SCRN1: variants seen among roughly 807,000 people sequenced by gnomAD.
SCRN1 encodes the protein secernin-1.
In SCRN1, 19 loss-of-function variants were observed where a neutral mutation model predicts 43.3. The ratio of observed to expected loss-of-function variants is 0.44; its 90% CI spans 0.31 to 0.64. SCRN1 has a LOEUF of 0.64. SCRN1 is among the 30% of genes least tolerant of loss of function. SCRN1 has a pLI of 0.09. For synonymous variants in SCRN1, 183 were observed against 188.9 expected, an observed-to-expected ratio of 0.97 and a Z score of 0.26; for missense variants, 447 against 524.1, an observed-to-expected ratio of 0.85 and a Z score of 1.44.
intron 1 of SCRN1, among the ~76,000 whole-genome samples, chr7:29,974,681 C>CTTTTTTTTT (rs754103658): frequency 1.4e-4 from 20 of 142,222 alleles, no homozygotes; most frequent in African/African-American, 1.8e-4. Context: ...TTCTTTCTTT[C>CTTTTTTTTT]TTTCTTTTTT....
intron 5 of SCRN1, among the ~76,000 whole-genome samples, chr7:29,938,743 AG>A (rs1388709535): frequency 6.6e-6 from 1 of 152,214 alleles, no homozygotes; most frequent in African/African-American, 2.4e-5. Context: ...TATAACCTAT[AG>A]AAACAATGCT....
chr7:29,966,508 G>A (rs1282486557), intron 2 of SCRN1, among the ~76,000 whole-genome samples: 1 of 151,900 alleles, frequency 6.6e-6, no homozygotes, highest in African/African-American at 2.4e-5. Context: ...AGGAAGGTCA[G>A]TAACAACTCA....
rs923181853 is a variant in SCRN1, at chr7:29,933,902, T to C, written c.905+2654A>G. On this transcript the variant is annotated intron_variant, in intron 6 of 7. Coordinates refer to ENST00000242059, the MANE Select transcript of SCRN1 (RefSeq NM_014766.5). Reference sequence around the variant, plus strand: ...GGATAAAGACTAAAGTGCTGTTCTTTTCCAAGTCTGCTACTATGAAACAAT... The same window carrying C: ...GGATAAAGACTAAAGTGCTGTTCTTCTCCAAGTCTGCTACTATGAAACAAT... 6.6e-5 allele frequency among the ~76,000 whole-genome samples: 10 copies of C among 152,256 alleles called. 1 individual carries two copies. The highest frequency in any genetic ancestry group is 2.4e-4 in the African/African-American group (10 of 41,468).
intron 3 of SCRN1, among the ~76,000 whole-genome samples, chr7:29,952,264 G>A (rs1787962642): frequency 6.6e-6 from 1 of 152,240 alleles, no homozygotes; most frequent in African/African-American, 2.4e-5. Flanking sequence ...GTTCCCAGGT[G>A]ATGCTTGTTC....
At chr7:29,971,503 T>G (rs1049341515) in intron 1 of SCRN1, among the ~76,000 whole-genome samples, 1 of 151,868 alleles carries the variant, frequency 6.6e-6, no homozygotes, top group African/African-American at 2.4e-5. Flanking sequence ...TGTGGTGACA[T>G]GCACCTGTAG....
intron 3 of SCRN1, among the ~76,000 whole-genome samples, chr7:29,954,302 T>G (rs1788055261): frequency 6.6e-6 from 1 of 152,198 alleles, no homozygotes; most frequent in East Asian, 1.9e-4. Flanking sequence ...GTTCTATTTT[T>G]CTTTTCTAGT....
chr7:29,981,940 A>T (rs2127932075), intron 1 of SCRN1, among the ~76,000 whole-genome samples: 2 of 152,304 alleles, frequency 1.3e-5, no homozygotes, highest in Middle Eastern at 6.8e-3. Context: ...GAGGGTAGAA[A>T]GGAGGCAAAG....
Position 29,921,888 on chromosome 7 carries a change from T to A in SCRN1, c.*2069A>T, listed in dbSNP as rs770751214. 4 of 152,234 alleles carry A rather than the reference T, an allele frequency of 2.6e-5. No homozygotes were observed. The highest frequency in any genetic ancestry group is 5.9e-5 in the Non-Finnish European group (4 of 68,042). The allele number at this position is 152,234 out of a possible 1,614,324, so 9.4% of individuals were successfully genotyped here. A position where few individuals can be genotyped will look rare whatever the true frequency, so the allele number is the denominator to read the frequency against. On this transcript the variant is annotated 3_prime_UTR_variant, in exon 8 of 8. Coordinates refer to ENST00000242059, the MANE Select transcript of SCRN1 (RefSeq NM_014766.5). ...TGAATCACCTTGGTTATCTCAGACA[T>A]GTCAGGTCTGATGAGACATTTCATA... is the stretch of plus-strand genomic sequence containing the variant.
chr7:29,955,267 C>A lies in SCRN1; in HGVS notation c.253G>T (p.Glu85Ter). The change falls in exon 3 of 8, where the codon GAA (glutamate) becomes TAA (stop). Residue 85 changes from glutamate (E) to a stop codon, truncating the protein, a stop_gained. Coordinates refer to ENST00000242059, the MANE Select transcript of SCRN1 (RefSeq NM_014766.5). LOFTEE classifies it high-confidence loss of function. ...TCATTGGCTATGCACACTCCATGTT[C>A]ATTGGCTCCCATTTCTGCTCCCCAG... ...WLWGAEMGAN[E>*]HGVCIANEAI... 1.9e-6 allele frequency: 3 copies of A among 1,614,142 alleles called. No individual in the cohort carries two copies. Among genetic ancestry groups the A allele is most frequent in the Non-Finnish European group, 2.5e-6 (3 of 1,180,034 alleles).
chr7:29,966,203 G>GAGA (rs1554360397), intron 2 of SCRN1, among the ~76,000 whole-genome samples: 1 of 147,644 alleles, frequency 6.8e-6, no homozygotes, highest in Non-Finnish European at 1.5e-5. Flanking sequence ...GAGAGAGAGA[G>GAGA]AAGCTGTATC....
chr7:29,936,522 A>G (rs759800675), intron 6 of SCRN1, 34 bp downstream of exon 6: 2 of 1,509,466 alleles, frequency 1.3e-6, no homozygotes, highest in Non-Finnish European at 1.8e-6. Flanking sequence ...GGAAGCACTT[A>G]TGTTCTGCCT....
chr7:29,931,583 C>T (rs1023957070), intron 6 of SCRN1, among the ~76,000 whole-genome samples: 1 of 152,188 alleles, frequency 6.6e-6, no homozygotes, highest in African/African-American at 2.4e-5. Context: ...TATACTGCTG[C>T]AGAAAAATAA....
intron 3 of SCRN1, chr7:29,947,224 A>G (rs1465681880): frequency 6.4e-7 from 1 of 1,550,496 alleles, no homozygotes; most frequent in Non-Finnish European, 8.7e-7. Context: ...CCTGAATTCA[A>G]TTCCTAGTTT....
At chr7:29,969,246 G>T (rs1788593176) in intron 1 of SCRN1, 178 bp from the exon 2 acceptor site, 6 of 603,364 alleles carry the variant, frequency 9.9e-6, no homozygotes, top group Non-Finnish European at 1.7e-5. Flanking sequence ...GAATGACAGA[G>T]CCACCGAGAC....
rs147426013 is a variant in SCRN1 at position 29,985,302 on chromosome 7, G to C, written c.-2+4340C>G. 1.4e-4 allele frequency among the ~76,000 whole-genome samples: 20 copies of C among 144,142 alleles called. 2 individuals are homozygous for C. The highest frequency in any genetic ancestry group is 5.0e-4 in the African/African-American group (19 of 38,120). 94.6% of individuals were successfully genotyped at this position (144,142 alleles called of 152,430 possible). ...CACCTGTAATCCCAGCTACTCAGGA[G>C]ACTAAAGCAGGAGAAATCACTTGAA... On this transcript the variant is annotated intron_variant, in intron 1 of 7. Coordinates refer to ENST00000242059, the MANE Select transcript of SCRN1 (RefSeq NM_014766.5).
intron 6 of SCRN1, among the ~76,000 whole-genome samples, chr7:29,927,880 G>A (rs1787021564): frequency 6.6e-6 from 1 of 152,134 alleles, no homozygotes; most frequent in Non-Finnish European, 1.5e-5. Flanking sequence ...CAGCATTTTG[G>A]GAGGCTGGGG....
At chr7:29,959,911 G>C (rs995808436) in intron 2 of SCRN1, among the ~76,000 whole-genome samples, 2 of 145,052 alleles carry the variant, frequency 1.4e-5, no homozygotes, top group Admixed American at 7.1e-5. Context: ...GAGCTGACTA[G>C]AAGAAAACAA....
At position 29,922,689 on chromosome 7, in the gene SCRN1, G is replaced by A. The variant is rs545104886; in HGVS notation, c.*1268C>T. ...CTGGGACATGTGAGGTGTGAGGAGTGGGGGGAAGATCCAGGGAAGTCAGCT... is the reference window on the plus strand; with the variant it reads ...CTGGGACATGTGAGGTGTGAGGAGTAGGGGGAAGATCCAGGGAAGTCAGCT... On this transcript the variant is annotated 3_prime_UTR_variant, in exon 8 of 8. Transcript: ENST00000242059. 4 of 152,352 alleles carry A rather than the reference G, an allele frequency of 2.6e-5. No homozygotes were observed. The highest frequency in any genetic ancestry group is 2.1e-4 in the South Asian group (1 of 4,832). 9.4% of individuals were successfully genotyped at this position (152,352 alleles called of 1,614,324 possible). A position where few individuals can be genotyped will look rare whatever the true frequency, so the allele number is the denominator to read the frequency against.
intron 1 of SCRN1, among the ~76,000 whole-genome samples, chr7:29,978,044 A>C (rs190770950): frequency 2.4e-4 from 36 of 152,296 alleles, no homozygotes; most frequent in Admixed American, 2.0e-3. Flanking sequence ...TTGTCACTTC[A>C]TGTCTTTTAA....
Sources: gnomAD v4.1 joint callset for allele counts (sites outside exome capture counted in the v4.1 genomes callset) on GRCh38, gnomAD v4.1.1 for gene constraint, MANE v1.5 for transcripts, NCBI Gene and HGNC (gene_info 2026-07-23, HGNC 2026-07-21) for gene names.